The following CD22 variants were observed in gnomAD, a reference collection of about 807,000 sequenced individuals.
CD22 encodes B-cell receptor CD22.
CD22 carries 51 observed loss-of-function variants against 94.7 expected under a neutral mutation model. The observed-to-expected ratio is 0.54, with a 90% CI of 0.43 to 0.68. CD22 has a LOEUF of 0.68. CD22 is among the 30% of genes least tolerant of loss of function. CD22 has a pLI of 0.00. For synonymous variants in CD22, 424 were observed against 422.5 expected (o/e 1.00, Z -0.04); for missense variants, 931 against 1,060.4 (o/e 0.88, Z 1.69).
chr19:35,337,535 G>A lies in CD22; in HGVS notation c.719-220G>A, dbSNP rs570266172. Among the ~76,000 whole-genome samples, 9 of 152,276 alleles carry A rather than the reference G, an allele frequency of 5.9e-5. No homozygotes were observed. The highest frequency in any genetic ancestry group is 1.7e-4 in the African/African-American group (7 of 41,550). On this transcript the variant is annotated intron_variant, in intron 4 of 13. Coordinates refer to ENST00000085219, the MANE Select transcript of CD22 (RefSeq NM_001771.4). The surrounding 1 kb of genome is among the most constrained non-coding windows in gnomAD (Gnocchi z 4.4). ...TCGTGGTTTCCAGCAGGATTGGCGAGGTCTGGTAGATGGTGTTAGGAACCC... is the reference window on the plus strand; with the variant it reads ...TCGTGGTTTCCAGCAGGATTGGCGAAGTCTGGTAGATGGTGTTAGGAACCC...
chr19:35,340,774 G>A, intron 6 of CD22, 107 bp from the exon 7 acceptor site: 2 of 1,216,282 alleles, frequency 1.6e-6, no homozygotes, highest in Non-Finnish European at 2.4e-6. Context: ...ATTAATTTAG[G>A]ACCTGTGCAG....
chr19:35,346,183 C>T lies in CD22; in HGVS notation c.2360C>T (p.Pro787Leu). 1.9e-6 allele frequency: 3 copies of T among 1,614,026 alleles called. No individual in the cohort carries two copies. The highest frequency in any genetic ancestry group is 2.5e-6 in the Non-Finnish European group (3 of 1,179,944). Residue 787 changes from proline (P) to leucine (L), a missense_variant, in exon 13 of 14, where the codon CCC (proline) becomes CTC (leucine). Physicochemically the swap from Pro to Leu is moderately conservative, Grantham distance 98. Transcript: ENST00000085219. The part of the protein sequence containing the change: ...DAESSEMQRP[P>L]PDCDDTVTYS... ...GAGTCCTCAGAGATGCAGAGACCTCCCCCGGACTGCGATGACACGGTCACT... is the reference window on the plus strand; with the variant it reads ...GAGTCCTCAGAGATGCAGAGACCTCTCCCGGACTGCGATGACACGGTCACT...
chr19:35,346,961 A>G lies in CD22; in HGVS notation c.*264A>G. 2.6e-6 allele frequency: 1 copy of G among 391,732 alleles called. No individual in the cohort carries two copies. Among genetic ancestry groups the G allele is most frequent in the Non-Finnish European group, 4.6e-6 (1 of 216,376 alleles). The allele number at this position is 391,732 out of a possible 1,614,324, so 24.3% of individuals were successfully genotyped here. A position where few individuals can be genotyped will look rare whatever the true frequency, so the allele number is the denominator to read the frequency against. On this transcript the variant is annotated 3_prime_UTR_variant, in exon 14 of 14. Coordinates refer to ENST00000085219, the MANE Select transcript of CD22 (RefSeq NM_001771.4). ...TTGCTACCCAGAAATCCATCTAAAT[A>G]CCTGCCCTGACATGCACACCTCCCC...
At chr19:35,332,335 G>C (rs1300774441) in intron 2 of CD22, 4 of 643,242 alleles carry the variant, frequency 6.2e-6, no homozygotes, top group Non-Finnish European at 1.0e-5. Context: ...CTCTCTGCTG[G>C]GTGCAGTGGC....
Position 35,332,022 on chromosome 19 carries a change from T to A in CD22, c.-19T>A. 6.2e-7 allele frequency: 1 copy of A among 1,613,722 alleles called. No individual in the cohort carries two copies. The highest frequency in any genetic ancestry group is 1.7e-4 in the Middle Eastern group (1 of 6,058). On this transcript the variant is annotated 5_prime_UTR_variant, in exon 2 of 14. Coordinates refer to ENST00000085219, the MANE Select transcript of CD22 (RefSeq NM_001771.4). ...AGACAAACTCTCCCCTGCTCAGGCT[T>A]GCACCCAGACACGACACCATGCATC...
At chr19:35,342,109 T>C (rs2066824211) in intron 9 of CD22, 144 bp downstream of exon 9, 1 of 674,932 alleles carries the variant, frequency 1.5e-6, no homozygotes. Flanking sequence ...CTCCTCTTCC[T>C]CCTTCTTCTT....
chr19:35,330,193 G>A (rs188846328), intron 1 of CD22, among the ~76,000 whole-genome samples: 148 of 151,992 alleles, frequency 9.7e-4, no homozygotes, highest in African/African-American at 3.4e-3. Flanking sequence ...CAAATCAGAC[G>A]GGTGTGGTGG....
chr19:35,335,702 A>C (rs1478022282), intron 3 of CD22, among the ~76,000 whole-genome samples: 1 of 152,058 alleles, frequency 6.6e-6, no homozygotes, highest in East Asian at 1.9e-4. Flanking sequence ...GAAATACAGA[A>C]AAATTAGCTG....
intron 6 of CD22, among the ~76,000 whole-genome samples, chr19:35,339,172 G>A (rs895922894): frequency 6.6e-6 from 1 of 152,120 alleles, no homozygotes. Context: ...GGAAGTGAAG[G>A]CTGCAGACTG....
Position 35,341,605 on chromosome 19 carries a change from G to A in CD22, c.1770G>A (p.Leu590=), listed in dbSNP as rs2066809624. 6.2e-7 allele frequency: 1 copy of A among 1,609,626 alleles called. No homozygotes were observed. The highest frequency in any genetic ancestry group is 8.5e-7 in the Non-Finnish European group (1 of 1,176,392). The change falls in exon 8 of 14, where the codon CTG becomes CTA. Residue 590 remains leucine, a splice_region_variant and synonymous_variant. Coordinates refer to ENST00000085219, the MANE Select transcript of CD22 (RefSeq NM_001771.4). The surrounding 1 kb of genome is among the most constrained non-coding windows in gnomAD (Gnocchi z 4.0). ...TASKAWTLEV[L]YAPRRLRVSM... ...CCAAGGCCTGGACACTTGAAGTGCT[G>A]TGTGAGTGAGGGCCGGAGGCTGGGA...
chr19:35,335,354 G>C (rs554703252), intron 3 of CD22, among the ~76,000 whole-genome samples: 4 of 152,094 alleles, frequency 2.6e-5, no homozygotes, highest in Admixed American at 2.6e-4. Context: ...CCAGGAGTTT[G>C]AGACCAGCCT....
rs546971763 is a variant in CD22, at chr19:35,345,224, C to T, written c.2208+98C>T. The T allele has an allele frequency of 5.8e-4, 582 of 1,001,876 alleles. 6 individuals carry two copies. In the African/African-American group the frequency reaches 8.0e-3, roughly 14 times the overall value. The allele number at this position is 1,001,876 out of a possible 1,614,324, so 62.1% of individuals were successfully genotyped here. ...CCTGAGGTCAGGAGTTCGAGACCAGCGTAGCCAACATGGTGAAACCCTGTC... is the reference window on the plus strand; with the variant it reads ...CCTGAGGTCAGGAGTTCGAGACCAGTGTAGCCAACATGGTGAAACCCTGTC... On this transcript the variant is annotated intron_variant, in intron 11 of 13. Transcript: ENST00000085219.
intron 12 of CD22, 58 bp downstream of exon 12, chr19:35,345,778 C>T (rs2066897630): frequency 6.7e-6 from 8 of 1,198,872 alleles, no homozygotes; most frequent in Non-Finnish European, 9.9e-6. Flanking sequence ...GGAGGAAAAG[C>T]TCTGTCCCGC....
At position 35,337,229 on chromosome 19, in the gene CD22, C is replaced by T. The variant is rs1217686871; in HGVS notation, c.719-526C>T. The stretch of plus-strand genomic sequence containing the variant: ...ACTCCAACCTGGGTGACGAGTGAGA[C>T]TCCATCTCAAAAAAAGAAAAAAAAA... On this transcript the variant is annotated intron_variant, in intron 4 of 13. Transcript: ENST00000085219. The surrounding 1 kb of genome is among the most constrained non-coding windows in gnomAD (Gnocchi z 4.4). Among the ~76,000 whole-genome samples, 1 of 151,508 alleles carries T rather than the reference C, an allele frequency of 6.6e-6. No homozygotes were observed. The highest frequency in any genetic ancestry group is 1.5e-5 in the Non-Finnish European group (1 of 67,936).
Position 35,337,687 on chromosome 19 carries a change from C to G in CD22, c.719-68C>G. On this transcript the variant is annotated intron_variant, in intron 4 of 13. Transcript: ENST00000085219. This position sits in a 1 kb window ranked among gnomAD's most constrained non-coding sequence, Gnocchi z 4.4. Reference sequence around the variant, plus strand: ...GGCCATGGCTTTGTCAGAATAAAAGCACTTTCCACACCCTCCACCCTCTGA... The same window carrying G: ...GGCCATGGCTTTGTCAGAATAAAAGGACTTTCCACACCCTCCACCCTCTGA... The G allele has an allele frequency of 7.2e-7, 1 of 1,396,620 alleles. No homozygotes were observed. 86.5% of individuals were successfully genotyped at this position (1,396,620 alleles called of 1,614,324 possible). A position where few individuals can be genotyped will look rare whatever the true frequency, so the allele number is the denominator to read the frequency against.
chr19:35,337,921 C>T lies in CD22; in HGVS notation c.885C>T (p.Asn295=), dbSNP rs139709932. ...AGAAGCAGAATACATTCACGCTAAA[C>T]CTGCGCGAAGTGACCAAGGACCAGA... is the stretch of plus-strand genomic sequence containing the variant. ...SLKKQNTFTL[N]LREVTKDQSG... is the part of the protein sequence containing the mutation. Residue 295 remains asparagine (N), a synonymous_variant, in exon 5 of 14, where the codon AAC becomes AAT. Transcript: ENST00000085219. This position sits in a 1 kb window ranked among gnomAD's most constrained non-coding sequence, Gnocchi z 4.4. The T allele has an allele frequency of 3.5e-5, 56 of 1,614,234 alleles. No homozygotes were observed. The African/African-American group carries it at 6.8e-4, about 20-fold the overall frequency.
At position 35,337,761 on chromosome 19, in the gene CD22, C is replaced by T. The variant is rs2066746015; in HGVS notation, c.725C>T (p.Pro242Leu). 1.9e-6 allele frequency: 3 copies of T among 1,595,150 alleles called. No individual in the cohort carries two copies. Among genetic ancestry groups the T allele is most frequent in the African/African-American group, 1.3e-5 (1 of 74,746 alleles). Residue 242 changes from proline (P) to leucine (L), a missense_variant, in exon 5 of 14, where the codon CCG becomes CTG. Pro to Leu is a moderately conservative substitution (Grantham distance 98). Coordinates refer to ENST00000085219, the MANE Select transcript of CD22 (RefSeq NM_001771.4). The surrounding 1 kb of genome is among the most constrained non-coding windows in gnomAD (Gnocchi z 4.4). Reference protein sequence around the residue: ...DTVQLNVKHTPKLEIKVTPSD... With the variant: ...DTVQLNVKHTLKLEIKVTPSD... ...TGCCCCTCTGCTCCTCCAGACACCC[C>T]GAAGTTGGAGATCAAGGTCACTCCC...
At chr19:35,342,053 CCTTT>C (rs1479637918) in intron 9 of CD22, 88 bp downstream of exon 9, 13,207 of 921,764 alleles carry the variant, frequency 0.014, 326 homozygotes, top group African/African-American at 0.062. Flanking sequence ...TTCCTTCCTT[CCTTT>C]CTTTCTCTCT....
At position 35,331,741 on chromosome 19, in the gene CD22, G is replaced by A. The variant is rs535014687; in HGVS notation, c.-22-278G>A. On this transcript the variant is annotated intron_variant, in intron 1 of 13. Coordinates refer to ENST00000085219, the MANE Select transcript of CD22 (RefSeq NM_001771.4). ...GCACCTGCCTTTACCCAGCTACTTG[G>A]GGGGCTGAGGCCAGAGAAACGCTTG... The A allele has an allele frequency of 1.3e-5, 5 of 373,586 alleles. No homozygotes were observed. The South Asian group carries it at 1.7e-4, about 12-fold the overall frequency. The allele number at this position is 373,586 out of a possible 1,614,324, so 23.1% of individuals were successfully genotyped here.
Sources: allele counts gnomAD v4.1 joint callset (sites outside exome capture counted in the v4.1 genomes callset), GRCh38; gene constraint gnomAD v4.1.1; non-coding constraint Gnocchi (gnomAD v3.1); transcripts MANE v1.5; gene names NCBI Gene and HGNC (gene_info 2026-07-23, HGNC 2026-07-21).